Variants in VTCN1 observed in about 807,000 individuals in gnomAD.
VTCN1 encodes the protein V-set domain-containing T-cell activation inhibitor 1.
A neutral mutation model predicts 26.5 loss-of-function variants in VTCN1; 26 were observed. The ratio of observed to expected loss-of-function variants is 0.98; its 90% CI spans 0.72 to 1.36. VTCN1 has a LOEUF of 1.36. VTCN1 is among the 40% of genes most tolerant of loss of function. The pLI, the probability that VTCN1 is intolerant of heterozygous loss-of-function variation, is 0.00. For missense variants in VTCN1, 298 were observed against 337.7 expected, an observed-to-expected ratio of 0.88 and a Z score of 0.92; for synonymous variants, 116 against 130.7, an observed-to-expected ratio of 0.89 and a Z score of 0.77.
At chr1:117,181,253 CAAA>C (rs5777301) in intron 1 of VTCN1, among the ~76,000 whole-genome samples, 2 of 126,914 alleles carry the variant, frequency 1.6e-5, no homozygotes, top group Non-Finnish European at 1.6e-5. Flanking sequence ...CCTGTCTTTA[CAAA>C]AAAAAAAAAA....
intron 1 of VTCN1, among the ~76,000 whole-genome samples, chr1:117,194,545 A>C (rs1434870229): frequency 2.0e-5 from 3 of 152,232 alleles, no homozygotes; most frequent in Non-Finnish European, 4.4e-5. Context: ...AATGTAATCA[A>C]TGTCTAGAAG....
chr1:117,180,275 G>T (rs1647610107), intron 1 of VTCN1, among the ~76,000 whole-genome samples: 1 of 152,068 alleles, frequency 6.6e-6, no homozygotes, highest in Admixed American at 6.5e-5. Context: ...TCTTAAGCCT[G>T]TCCTATTTAT....
At chr1:117,172,923 A>G (rs1652999718) in intron 1 of VTCN1, among the ~76,000 whole-genome samples, 1 of 152,192 alleles carries the variant, frequency 6.6e-6, no homozygotes, top group African/African-American at 2.4e-5. Context: ...AAATAAGGGA[A>G]TAAAAGCTGG....
At chr1:117,164,609 T>A (rs964471586) in intron 2 of VTCN1, among the ~76,000 whole-genome samples, 1 of 152,202 alleles carries the variant, frequency 6.6e-6, no homozygotes, top group Non-Finnish European at 1.5e-5. Context: ...GACTCTCCTT[T>A]AATTCTCACA....
At chr1:117,197,763 C>T (rs952070483) in intron 1 of VTCN1, among the ~76,000 whole-genome samples, 10 of 152,038 alleles carry the variant, frequency 6.6e-5, no homozygotes, top group African/African-American at 1.9e-4. Flanking sequence ...TTCAAGACTC[C>T]GAGAACCTGG....
intron 4 of VTCN1, among the ~76,000 whole-genome samples, chr1:117,151,499 T>G (rs919717202): frequency 6.7e-6 from 1 of 149,112 alleles, no homozygotes; most frequent in Admixed American, 6.6e-5. Context: ...AGTGGCCAGC[T>G]TTTATTCCCT....
intron 2 of VTCN1, among the ~76,000 whole-genome samples, chr1:117,158,556 C>T (rs1652208916): frequency 6.6e-6 from 1 of 152,188 alleles, no homozygotes; most frequent in Non-Finnish European, 1.5e-5. Context: ...ACTATTTTCT[C>T]CTAGGACCCC....
chr1:117,158,272 T>C (rs1652189441), intron 2 of VTCN1, among the ~76,000 whole-genome samples: 1 of 152,226 alleles, frequency 6.6e-6, no homozygotes, highest in Non-Finnish European at 1.5e-5. Flanking sequence ...GCAGAAGTTC[T>C]CCATGAGAGC....
intron 1 of VTCN1, among the ~76,000 whole-genome samples, chr1:117,180,800 A>G (rs1647636764): frequency 6.6e-6 from 1 of 152,016 alleles, no homozygotes; most frequent in African/African-American, 2.4e-5. Context: ...GCCTCTCTCC[A>G]CTTCTGCTCA....
chr1:117,195,441 A>C (rs1247744415), intron 1 of VTCN1, among the ~76,000 whole-genome samples: 1 of 152,114 alleles, frequency 6.6e-6, no homozygotes, highest in African/African-American at 2.4e-5. Flanking sequence ...ATGTACATCA[A>C]ATCATCACAT....
intron 1 of VTCN1, among the ~76,000 whole-genome samples, chr1:117,205,273 C>G: frequency 6.6e-6 from 1 of 151,788 alleles, no homozygotes; most frequent in Non-Finnish European, 1.5e-5. Context: ...TCTCCCACCT[C>G]AGTCCCGAGT....
intron 1 of VTCN1, among the ~76,000 whole-genome samples, chr1:117,188,356 T>C (rs1648068807): frequency 6.6e-6 from 1 of 152,054 alleles, no homozygotes; most frequent in Non-Finnish European, 1.5e-5. Flanking sequence ...CTATGTGGAG[T>C]CCTCACCAAT....
chr1:117,168,474 A>G (rs1412150906), intron 2 of VTCN1, among the ~76,000 whole-genome samples: 1 of 152,238 alleles, frequency 6.6e-6, no homozygotes, highest in Non-Finnish European at 1.5e-5. Context: ...GATAATCTAG[A>G]AGAACATCTT....
chr1:117,200,283 C>T (rs1648728738), intron 1 of VTCN1, among the ~76,000 whole-genome samples: 1 of 152,022 alleles, frequency 6.6e-6, no homozygotes, highest in Non-Finnish European at 1.5e-5. Flanking sequence ...ACCTGTAATC[C>T]CAGCTACCTG....
Position 117,145,083 on chromosome 1 carries a change from T to C in VTCN1, c.*188A>G, listed in dbSNP as rs1039605383. The C allele has an allele frequency of 5.2e-5, 8 of 152,642 alleles. No individual in the cohort carries two copies. Among genetic ancestry groups the C allele is most frequent in the African/African-American group, 1.9e-4 (8 of 41,450 alleles). 9.5% of individuals were successfully genotyped at this position (152,642 alleles called of 1,614,324 possible). ...TATGTCTTTGAAGATAGATTTATCT[T>C]GTTCATATTGGAGCCTTCTGCTTTT... On this transcript the variant is annotated 3_prime_UTR_variant, in exon 6 of 6. Coordinates refer to ENST00000369458, the MANE Select transcript of VTCN1 (RefSeq NM_024626.4). The surrounding 1 kb of genome is among the most constrained non-coding windows in gnomAD (Gnocchi z 4.6).
At chr1:117,205,051 G>A (rs1648973917) in intron 1 of VTCN1, among the ~76,000 whole-genome samples, 1 of 146,838 alleles carries the variant, frequency 6.8e-6, no homozygotes, top group Non-Finnish European at 1.5e-5. Flanking sequence ...TCCTGTATAT[G>A]TATATATATG....
rs1316921424 is a variant in VTCN1, at chr1:117,161,688, A to C, written c.98-4767T>G. Among the ~76,000 whole-genome samples, 1 of 152,234 alleles carries C rather than the reference A, an allele frequency of 6.6e-6. No individual in the cohort carries two copies. The highest frequency in any genetic ancestry group is 2.4e-5 in the African/African-American group (1 of 41,452). ...AAAGCATTGTTTGAGATAGGCTAAA[A>C]TTATTGTAGGAGTAAGGGACGTTTG... On this transcript the variant is annotated intron_variant, in intron 2 of 5. Transcript: ENST00000369458. The surrounding 1 kb of genome is among the most constrained non-coding windows in gnomAD (Gnocchi z 4.3).
At chr1:117,199,169 A>T (rs1159968324) in intron 1 of VTCN1, among the ~76,000 whole-genome samples, 2 of 152,070 alleles carry the variant, frequency 1.3e-5, no homozygotes, top group Non-Finnish European at 2.9e-5. Context: ...ATTAACAAGT[A>T]TTATTTTTAA....
At chr1:117,189,509 C>T (rs547093125) in intron 1 of VTCN1, among the ~76,000 whole-genome samples, 1 of 152,208 alleles carries the variant, frequency 6.6e-6, no homozygotes, top group Non-Finnish European at 1.5e-5. Context: ...ACAAGAGGAA[C>T]AGATGACCTG....
Sources: allele counts gnomAD v4.1 joint callset (sites outside exome capture counted in the v4.1 genomes callset), GRCh38; gene constraint gnomAD v4.1.1; non-coding constraint Gnocchi (gnomAD v3.1); transcripts MANE v1.5; gene names NCBI Gene and HGNC (gene_info 2026-07-23, HGNC 2026-07-21).